ANKS1A: variants seen among roughly 807,000 people sequenced by gnomAD.
ANKS1A encodes ankyrin repeat and sterile alpha motif domain containing 1A.
Under a neutral mutation model 120.3 loss-of-function variants are expected in ANKS1A, and 55 were observed. The observed-to-expected ratio is 0.46, with a 90% CI of 0.37 to 0.57. ANKS1A has a LOEUF of 0.57. ANKS1A is among the 20% of genes least tolerant of loss of function. ANKS1A has a pLI of 0.00. For synonymous variants in ANKS1A, 590 were observed against 604.7 expected, an observed-to-expected ratio of 0.98 and a Z score of 0.36; for missense variants, 1,123 against 1,480.3, an observed-to-expected ratio of 0.76 and a Z score of 3.96.
intron 1 of ANKS1A, among the ~76,000 whole-genome samples, chr6:34,948,665 C>T (rs1561865254): frequency 6.6e-6 from 1 of 152,290 alleles, no homozygotes; most frequent in East Asian, 1.9e-4. Flanking sequence ...ACCCCCATTC[C>T]TTTCATCTAA....
At chr6:35,047,441 G>C (rs1225887445) in intron 11 of ANKS1A, among the ~76,000 whole-genome samples, 3 of 152,184 alleles carry the variant, frequency 2.0e-5, no homozygotes, top group Non-Finnish European at 4.4e-5. Context: ...CAGACCGAGA[G>C]ACAGTTACTT....
intron 9 of ANKS1A, among the ~76,000 whole-genome samples, chr6:34,990,052 A>G (rs1772423916): frequency 6.6e-6 from 1 of 152,220 alleles, no homozygotes; most frequent in Admixed American, 6.5e-5. Flanking sequence ...TAGCTCATTC[A>G]ATGCCCTATT....
intron 11 of ANKS1A, 70 bp from the exon 12 acceptor site, chr6:35,054,029 G>A: frequency 9.2e-6 from 12 of 1,310,602 alleles, no homozygotes; most frequent in Middle Eastern, 1.8e-4. Flanking sequence ...CCCCACTGGC[G>A]CTGTGGTGAG....
chr6:34,966,752 A>G (rs1341724082), intron 1 of ANKS1A, among the ~76,000 whole-genome samples: 1 of 152,182 alleles, frequency 6.6e-6, no homozygotes, highest in African/African-American at 2.4e-5. Flanking sequence ...AGACATCTTT[A>G]CAAAGGAAAG....
Position 35,017,822 on chromosome 6 carries a change from C to T in ANKS1A, c.1773C>T (p.His591=), listed in dbSNP as rs756289082. ...CTTTGACTCACACAGCATCTCCGCA[C>T]CCTGGTGGTGCTGAGGAAGGAGACC... ...PETLTHTASP[H]PGGAEEGDRS... is the part of the protein sequence containing the mutation. The change falls in exon 11 of 24, where the codon CAC becomes CAT. Residue 591 remains histidine (H), a synonymous_variant. Coordinates refer to ENST00000360359, the MANE Select transcript of ANKS1A (RefSeq NM_015245.3). The T allele has an allele frequency of 3.6e-5, 58 of 1,614,068 alleles. No homozygotes were observed. The highest frequency in any genetic ancestry group is 4.9e-5 in the Non-Finnish European group (58 of 1,180,034).
intron 1 of ANKS1A, among the ~76,000 whole-genome samples, chr6:34,923,026 G>C (rs544634019): frequency 6.6e-6 from 1 of 152,262 alleles, no homozygotes; most frequent in Admixed American, 6.5e-5. Context: ...GCAAAGGTAG[G>C]AGCCATAGAA....
chr6:34,921,583 A>AG, intron 1 of ANKS1A, among the ~76,000 whole-genome samples: 1 of 152,184 alleles, frequency 6.6e-6, no homozygotes. Flanking sequence ...AGCTATTTCT[A>AG]GTGCAATGGG....
In ANKS1A at chr6:35,082,958, G is replaced by A. The variant is rs1462668315; in HGVS notation, c.2835+142G>A. On this transcript the variant is annotated intron_variant, in intron 18 of 23. Coordinates refer to ENST00000360359, the MANE Select transcript of ANKS1A (RefSeq NM_015245.3). This position sits in a 1 kb window ranked among gnomAD's most constrained non-coding sequence, Gnocchi z 4.1. ...TCTCCACTCTCAGCCACTCTTGACA[G>A]CTAAGGCGAAGGGGTGGAGGCCTCT... 2.8e-6 allele frequency: 4 copies of A among 1,414,228 alleles called. No individual in the cohort carries two copies. The African/African-American group carries it at 4.3e-5, about 15-fold the overall frequency. 87.6% of individuals were successfully genotyped at this position (1,414,228 alleles called of 1,614,324 possible). A position where few individuals can be genotyped will look rare whatever the true frequency, so the allele number is the denominator to read the frequency against.
chr6:34,990,304 A>G (rs1195195241), intron 9 of ANKS1A, among the ~76,000 whole-genome samples: 1 of 152,218 alleles, frequency 6.6e-6, no homozygotes, highest in Non-Finnish European at 1.5e-5. Flanking sequence ...TGCTAGGTAC[A>G]AATTCTGTCC....
At chr6:35,076,213 G>A (rs1048958762) in intron 13 of ANKS1A, among the ~76,000 whole-genome samples, 10 of 152,148 alleles carry the variant, frequency 6.6e-5, no homozygotes, top group Non-Finnish European at 1.3e-4. Flanking sequence ...CACGAGGTCA[G>A]GAGATCGAGA....
chr6:35,023,684 A>G, intron 11 of ANKS1A: 1 of 412,666 alleles, frequency 2.4e-6, no homozygotes, highest in South Asian at 2.1e-5. Context: ...GCTCTAAAGG[A>G]AAGGGTAGAG....
At chr6:34,914,467 T>C (rs1768063065) in intron 1 of ANKS1A, among the ~76,000 whole-genome samples, 1 of 152,212 alleles carries the variant, frequency 6.6e-6, no homozygotes, top group African/African-American at 2.4e-5. Flanking sequence ...GATTTAGTGT[T>C]TTCAGGACGA....
At chr6:34,895,249 A>G (rs1352644777) in intron 1 of ANKS1A, among the ~76,000 whole-genome samples, 1 of 149,580 alleles carries the variant, frequency 6.7e-6, no homozygotes, top group Non-Finnish European at 1.5e-5. Context: ...AGTCTTGCTA[A>G]TGTTGTCCAG....
intron 1 of ANKS1A, among the ~76,000 whole-genome samples, chr6:34,955,813 A>G (rs1770334657): frequency 6.6e-6 from 1 of 152,162 alleles, no homozygotes; most frequent in Non-Finnish European, 1.5e-5. Context: ...TCACCTCAGA[A>G]TTTTGAAAGC....
At chr6:34,993,605 C>T (rs1772689530) in intron 9 of ANKS1A, among the ~76,000 whole-genome samples, 1 of 152,198 alleles carries the variant, frequency 6.6e-6, no homozygotes, top group African/African-American at 2.4e-5. Flanking sequence ...TGGGGATATC[C>T]TTCCCAATAA....
intron 13 of ANKS1A, among the ~76,000 whole-genome samples, chr6:35,074,986 C>T (rs1185720429): frequency 6.6e-6 from 1 of 152,184 alleles, no homozygotes; most frequent in Non-Finnish European, 1.5e-5. Context: ...GTAATGCCCA[C>T]CACAACAGAG....
chr6:34,935,095 T>C (rs1769183090), intron 1 of ANKS1A, among the ~76,000 whole-genome samples: 1 of 152,238 alleles, frequency 6.6e-6, no homozygotes. Flanking sequence ...TGGTTCCCTC[T>C]TGTTTTTTAA....
intron 11 of ANKS1A, among the ~76,000 whole-genome samples, chr6:35,026,941 C>A (rs1366524817): frequency 6.6e-6 from 1 of 152,074 alleles, no homozygotes; most frequent in Non-Finnish European, 1.5e-5. Context: ...AGAATGAAAT[C>A]ATAATTTCTC....
rs937530273 is a variant in ANKS1A, at chr6:35,066,855, A to G, written c.2184+6602A>G. Among the ~76,000 whole-genome samples, 13 of 152,286 alleles carry G rather than the reference A, an allele frequency of 8.5e-5. No individual in the cohort carries two copies. In the East Asian group the frequency reaches 2.3e-3, roughly 27 times the overall value. On this transcript the variant is annotated intron_variant, in intron 13 of 23. Coordinates refer to ENST00000360359, the MANE Select transcript of ANKS1A (RefSeq NM_015245.3). ...GCTGTTAGTTGAGGGTAGGATGTCA[A>G]TGTGGGGCTACTTTGGGAAATTCTG...
Sources: allele counts gnomAD v4.1 joint callset (sites outside exome capture counted in the v4.1 genomes callset), GRCh38; gene constraint gnomAD v4.1.1; non-coding constraint Gnocchi (gnomAD v3.1); transcripts MANE v1.5; gene names NCBI Gene and HGNC (gene_info 2026-07-23, HGNC 2026-07-21).